The following NRXN1 variants were observed in gnomAD, a reference collection of about 807,000 sequenced individuals.
The protein encoded by NRXN1 is neurexin 1, also known as neurexin-1.
NRXN1 carries 39 observed loss-of-function variants against 150.9 expected under a neutral mutation model. The observed-to-expected ratio is 0.26, with a 90% CI of 0.20 to 0.34. The LOEUF (loss-of-function observed/expected upper bound fraction) is 0.34. NRXN1 is among the 10% of genes least tolerant of loss of function. The pLI, the probability that NRXN1 is intolerant of heterozygous loss-of-function variation, is 1.00. For synonymous variants in NRXN1, 924 were observed against 757.0 expected (o/e 1.22, Z -3.62); for missense variants, 1,815 against 1,949.9 (o/e 0.93, Z 1.30).
At chr2:50,080,325 A>G (rs1456196471) in intron 19 of NRXN1, among the ~76,000 whole-genome samples, 2 of 152,144 alleles carry the variant, frequency 1.3e-5, no homozygotes, top group Non-Finnish European at 1.5e-5. Context: ...TAATTTATAC[A>G]TTAAATTTTA....
intron 5 of NRXN1, among the ~76,000 whole-genome samples, chr2:50,656,828 G>C (rs1208239048): frequency 1.3e-5 from 2 of 151,802 alleles, no homozygotes; most frequent in Non-Finnish European, 2.9e-5. Flanking sequence ...CATTATTAGA[G>C]ATGCTATCAT....
At chr2:50,712,423 T>A (rs1283043917) in intron 5 of NRXN1, among the ~76,000 whole-genome samples, 1 of 152,208 alleles carries the variant, frequency 6.6e-6, no homozygotes, top group Non-Finnish European at 1.5e-5. Flanking sequence ...CAAGCTCTCC[T>A]GTATCAGTGT....
At chr2:50,408,159 G>T (rs2082888983) in intron 17 of NRXN1, among the ~76,000 whole-genome samples, 1 of 152,094 alleles carries the variant, frequency 6.6e-6, no homozygotes, top group Non-Finnish European at 1.5e-5. Context: ...GAATGGTAAG[G>T]TCTCACAAGA....
intron 5 of NRXN1, among the ~76,000 whole-genome samples, chr2:50,816,537 G>A (rs1200752209): frequency 5.3e-5 from 8 of 152,146 alleles, no homozygotes; most frequent in African/African-American, 1.2e-4. Flanking sequence ...AGCAGAGGCT[G>A]CTCATCTGGA....
Position 50,998,534 on chromosome 2 carries a change from G to C in NRXN1, c.772+28968C>G, listed in dbSNP as rs572672512. On this transcript the variant is annotated intron_variant, in intron 2 of 22. Transcript: ENST00000401669. ...CCCTTATCCTATTTGATTCTATTAG[G>C]TCTTCAAAAAGGAACTTTGGGTGGA... Among the ~76,000 whole-genome samples the C allele has an allele frequency of 5.9e-5, 9 of 152,052 alleles. No homozygotes were observed. The East Asian group carries it at 1.6e-3, about 26-fold the overall frequency.
chr2:50,884,848 T>C (rs1373340481), intron 5 of NRXN1, among the ~76,000 whole-genome samples: 2 of 151,500 alleles, frequency 1.3e-5, no homozygotes, highest in Non-Finnish European at 3.0e-5. Flanking sequence ...ATACAAACTT[T>C]TTTTTCTATA....
intron 18 of NRXN1, among the ~76,000 whole-genome samples, chr2:50,222,362 C>T (rs1277655042): frequency 2.6e-5 from 4 of 151,914 alleles, no homozygotes; most frequent in Admixed American, 2.0e-4. Flanking sequence ...GAAAGAAAAT[C>T]ATTCTATGGA....
chr2:50,904,257 T>C (rs762260232), intron 5 of NRXN1, among the ~76,000 whole-genome samples: 2 of 152,122 alleles, frequency 1.3e-5, no homozygotes, highest in Non-Finnish European at 2.9e-5. Flanking sequence ...GAAATTAAAG[T>C]ATAATAATAA....
chr2:50,093,298 T>C (rs975722766), intron 18 of NRXN1, among the ~76,000 whole-genome samples: 13 of 151,770 alleles, frequency 8.6e-5, no homozygotes, highest in African/African-American at 3.1e-4. Flanking sequence ...CAGGGGAAAA[T>C]ATATACTAAA....
intron 17 of NRXN1, among the ~76,000 whole-genome samples, chr2:50,462,039 G>A (rs2088279682): frequency 6.6e-6 from 1 of 151,910 alleles, no homozygotes; most frequent in Admixed American, 6.6e-5. Context: ...GACCATTGAG[G>A]TCCACGAATT....
chr2:51,004,403 G>A (rs1241269694), intron 2 of NRXN1, among the ~76,000 whole-genome samples: 1 of 151,716 alleles, frequency 6.6e-6, no homozygotes. Flanking sequence ...TATTTTGTTT[G>A]GATAAGTCAT....
chr2:50,842,411 A>C (rs1673006725), intron 5 of NRXN1, among the ~76,000 whole-genome samples: 1 of 152,198 alleles, frequency 6.6e-6, no homozygotes, highest in Non-Finnish European at 1.5e-5. Flanking sequence ...TAAATTACAC[A>C]TTGTACAGCA....
At chr2:50,017,157 C>T (rs1686780890) in intron 21 of NRXN1, among the ~76,000 whole-genome samples, 1 of 152,046 alleles carries the variant, frequency 6.6e-6, no homozygotes, top group East Asian at 1.9e-4. Context: ...ATAATCCTTC[C>T]CTGCTGTGTG....
rs1687096434 is a variant in NRXN1, at chr2:50,927,599, G to A, written c.773-1644C>T. 2.0e-5 allele frequency among the ~76,000 whole-genome samples: 3 copies of A among 151,648 alleles called. No individual in the cohort carries two copies. In the South Asian group the frequency reaches 6.2e-4, roughly 31 times the overall value. ...AAGTTTTGTTTTACTGCATTATATT[G>A]GACATAATACAAAGATATAAATTAT... On this transcript the variant is annotated intron_variant, in intron 2 of 22. Transcript: ENST00000401669.
intron 18 of NRXN1, among the ~76,000 whole-genome samples, chr2:50,216,457 T>A (rs925845287): frequency 6.6e-6 from 1 of 152,056 alleles, no homozygotes; most frequent in Non-Finnish European, 1.5e-5. Context: ...ACCTCTGAAG[T>A]ATTTACCAAT....
Position 50,447,737 on chromosome 2 carries a change from TTATATATATATATA to T in NRXN1, c.3364+17691_3364+17704del, listed in dbSNP as rs70948710. 2.5e-3 allele frequency among the ~76,000 whole-genome samples: 95 copies of T among 37,934 alleles called. 5 individuals carry two copies. The East Asian group carries it at 0.027, about 11-fold the overall frequency. The allele number at this position is 37,934 out of a possible 152,430, so 24.9% of individuals were successfully genotyped here. A position where few individuals can be genotyped will look rare whatever the true frequency, so the allele number is the denominator to read the frequency against. ...AAATCACATAGTAAGCAGGGGAACG[TTATATATATATATA>T]TATATATATATATATATATATATAT... is the stretch of plus-strand genomic sequence containing the variant. On this transcript the variant is annotated intron_variant, in intron 17 of 22. Coordinates refer to ENST00000401669, the MANE Select transcript of NRXN1 (RefSeq NM_001330078.2).
At chr2:50,980,495 T>A (rs1204129853) in intron 2 of NRXN1, among the ~76,000 whole-genome samples, 1 of 152,142 alleles carries the variant, frequency 6.6e-6, no homozygotes, top group East Asian at 1.9e-4. Flanking sequence ...AACATTTTTC[T>A]TTGCTTTTCA....
chr2:50,678,439 A>C (rs551208242), intron 5 of NRXN1, among the ~76,000 whole-genome samples: 1 of 152,312 alleles, frequency 6.6e-6, no homozygotes, highest in South Asian at 2.1e-4. Flanking sequence ...TGGAAAGTAC[A>C]AAAGTTATAT....
chr2:50,154,689 G>C (rs927482594), intron 18 of NRXN1, among the ~76,000 whole-genome samples: 1 of 151,582 alleles, frequency 6.6e-6, no homozygotes, highest in Admixed American at 6.6e-5. Flanking sequence ...GATCCATAAA[G>C]AATTAATAAA....
Sources: allele counts gnomAD v4.1 joint callset (sites outside exome capture counted in the v4.1 genomes callset), GRCh38; gene constraint gnomAD v4.1.1; transcripts MANE v1.5; gene names NCBI Gene and HGNC (gene_info 2026-07-23, HGNC 2026-07-21).